Variants in SPIDR observed in about 807,000 individuals in gnomAD.
SPIDR encodes the protein DNA repair-scaffolding protein.
Under a neutral mutation model 104.6 loss-of-function variants are expected in SPIDR, and 93 were observed. The ratio of observed to expected loss-of-function variants is 0.89; its 90% CI spans 0.75 to 1.06. The LOEUF (loss-of-function observed/expected upper bound fraction) is 1.06. SPIDR is among the 50% of genes least tolerant of loss of function. The pLI, the probability that SPIDR is intolerant of heterozygous loss-of-function variation, is 0.00. For missense variants in SPIDR, 1,154 were observed against 1,111.2 expected (o/e 1.04, Z -0.55); for synonymous variants, 431 against 416.9 (o/e 1.03, Z -0.41).
At chr8:47,554,708 C>T (rs2091095392) in intron 8 of SPIDR, among the ~76,000 whole-genome samples, 2 of 152,204 alleles carry the variant, frequency 1.3e-5, no homozygotes, top group Non-Finnish European at 2.9e-5. Context: ...CCGGGTGAGG[C>T]AGTGCCCCAC....
At chr8:47,479,243 C>T (rs1586402365) in intron 8 of SPIDR, among the ~76,000 whole-genome samples, 1 of 151,644 alleles carries the variant, frequency 6.6e-6, no homozygotes, top group East Asian at 1.9e-4. Context: ...CCTGTAATCC[C>T]AGCTACTCAG....
At chr8:47,279,720 A>G (rs1225798794) in intron 1 of SPIDR, 142 bp from the exon 2 acceptor site, 4 of 742,342 alleles carry the variant, frequency 5.4e-6, no homozygotes. Flanking sequence ...CTTTATGTGA[A>G]GATTTAGAGA....
intron 6 of SPIDR, among the ~76,000 whole-genome samples, chr8:47,404,768 G>T (rs1054020363): frequency 6.6e-6 from 1 of 152,172 alleles, no homozygotes; most frequent in Non-Finnish European, 1.5e-5. Flanking sequence ...CTGTAAACTG[G>T]TTCAACCATT....
intron 5 of SPIDR, among the ~76,000 whole-genome samples, chr8:47,320,590 C>G (rs1294664009): frequency 6.6e-6 from 1 of 152,202 alleles, no homozygotes; most frequent in Non-Finnish European, 1.5e-5. Flanking sequence ...CTCCCTAACT[C>G]ATTTTATGAG....
chr8:47,668,866 T>G (rs1384536586), intron 10 of SPIDR, among the ~76,000 whole-genome samples: 2 of 151,956 alleles, frequency 1.3e-5, no homozygotes, highest in Non-Finnish European at 2.9e-5. Context: ...CCATAGACAG[T>G]CTAGGCGTAG....
intron 8 of SPIDR, among the ~76,000 whole-genome samples, chr8:47,518,719 C>T (rs866108675): frequency 6.6e-6 from 1 of 151,784 alleles, no homozygotes; most frequent in Admixed American, 6.6e-5. Flanking sequence ...TCACTGCAAG[C>T]TCTGCCTCCC....
chr8:47,394,816 A>T (rs1406882318), intron 5 of SPIDR, among the ~76,000 whole-genome samples: 3 of 152,200 alleles, frequency 2.0e-5, no homozygotes, highest in Non-Finnish European at 4.4e-5. Context: ...TTGATTGTTT[A>T]TTCACAATCT....
chr8:47,565,112 G>A (rs756915347), intron 8 of SPIDR, among the ~76,000 whole-genome samples: 35 of 152,184 alleles, frequency 2.3e-4, no homozygotes, highest in African/African-American at 8.0e-4. Flanking sequence ...TGGGTGTGGT[G>A]GCACATGCCT....
chr8:47,398,707 A>G (rs1404287316), intron 6 of SPIDR, among the ~76,000 whole-genome samples: 3 of 152,212 alleles, frequency 2.0e-5, no homozygotes, highest in Non-Finnish European at 4.4e-5. Context: ...CGTAGACTGC[A>G]GTGTCCAGAT....
intron 8 of SPIDR, among the ~76,000 whole-genome samples, chr8:47,468,905 G>A (rs1432690717): frequency 1.3e-5 from 2 of 152,162 alleles, no homozygotes; most frequent in African/African-American, 4.8e-5. Flanking sequence ...ACTATCGACA[G>A]CCTACAGAAA....
At chr8:47,500,532 T>A (rs1285060564) in intron 8 of SPIDR, among the ~76,000 whole-genome samples, 1 of 152,250 alleles carries the variant, frequency 6.6e-6, no homozygotes, top group Non-Finnish European at 1.5e-5. Context: ...CATTGTAGAT[T>A]CTGGATATTA....
At chr8:47,303,575 C>T (rs1470969989) in intron 5 of SPIDR, among the ~76,000 whole-genome samples, 4 of 152,180 alleles carry the variant, frequency 2.6e-5, no homozygotes, top group African/African-American at 9.6e-5. Context: ...TCCTGTTTGG[C>T]CATCTTGGCT....
chr8:47,549,309 G>C (rs1378324856), intron 8 of SPIDR, among the ~76,000 whole-genome samples: 1 of 152,098 alleles, frequency 6.6e-6, no homozygotes, highest in East Asian at 1.9e-4. Context: ...TGGGTCAAAT[G>C]GTATTTCTAG....
intron 8 of SPIDR, among the ~76,000 whole-genome samples, chr8:47,457,546 T>TAA (rs1206520523): frequency 6.6e-6 from 1 of 152,202 alleles, no homozygotes; most frequent in Non-Finnish European, 1.5e-5. Context: ...CTCTGTGAGT[T>TAA]GTCTGTTACT....
intron 8 of SPIDR, among the ~76,000 whole-genome samples, chr8:47,508,940 T>TTA (rs977278635): frequency 9.7e-4 from 146 of 150,852 alleles, no homozygotes; most frequent in African/African-American, 3.1e-3. Flanking sequence ...TCCTTCCATT[T>TTA]TATATATATA....
chr8:47,684,373 C>T (rs1186175772), intron 11 of SPIDR, among the ~76,000 whole-genome samples: 1 of 152,008 alleles, frequency 6.6e-6, no homozygotes, highest in African/African-American at 2.4e-5. Context: ...CTGGTTAAAA[C>T]AACAACAACA....
intron 8 of SPIDR, among the ~76,000 whole-genome samples, chr8:47,504,022 T>C (rs2081034022): frequency 6.6e-6 from 1 of 152,230 alleles, no homozygotes; most frequent in Non-Finnish European, 1.5e-5. Context: ...TCTGATGGGC[T>C]TCCCTTTGTG....
intron 8 of SPIDR, among the ~76,000 whole-genome samples, chr8:47,532,317 C>T (rs2086160700): frequency 6.6e-6 from 1 of 152,122 alleles, no homozygotes; most frequent in Admixed American, 6.5e-5. Context: ...GATCCACCTG[C>T]CTTGGCCTCC....
In SPIDR at chr8:47,671,660, T is replaced by C. The variant is rs556502817; in HGVS notation, c.1545-2141T>C. The stretch of plus-strand genomic sequence containing the variant: ...TTAAAATGTCCTTATTTTACCATCA[T>C]TCTTGAAAGGAGTTTTGCTGGTACA... On this transcript the variant is annotated intron_variant, in intron 10 of 19. Transcript: ENST00000297423. Among the ~76,000 whole-genome samples, 20 of 152,002 alleles carry C rather than the reference T, an allele frequency of 1.3e-4. No homozygotes were observed. The South Asian group carries it at 4.2e-3, about 32-fold the overall frequency.
Sources: allele counts gnomAD v4.1 joint callset (sites outside exome capture counted in the v4.1 genomes callset), GRCh38; gene constraint gnomAD v4.1.1; transcripts MANE v1.5; gene names NCBI Gene and HGNC (gene_info 2026-07-23, HGNC 2026-07-21).